The following CACNB2 variants were observed in gnomAD, a reference collection of about 807,000 sequenced individuals.
The protein encoded by CACNB2 is voltage-dependent L-type calcium channel subunit beta-2.
A neutral mutation model predicts 73.3 loss-of-function variants in CACNB2; 42 were observed. The ratio of observed to expected loss-of-function variants is 0.57; its 90% confidence interval spans 0.45 to 0.74. The LOEUF is 0.74. Among genes scored for constraint, CACNB2 ranks in the 30% least tolerant of loss-of-function variants. CACNB2 has a pLI of 0.00. For synonymous variants in CACNB2, 348 were observed against 310.3 expected (o/e 1.12, Z -1.28); for missense variants, 940 against 853.0 (o/e 1.10, Z -1.27).
chr10:18,451,739 A>G (rs2047032512), intron 3 of CACNB2, among the ~76,000 whole-genome samples: 1 of 152,130 alleles, frequency 6.6e-6, no homozygotes, highest in South Asian at 2.1e-4. Flanking sequence ...TCTTATGCTC[A>G]CCCATCACGT....
chr10:18,434,472 G>C (rs1002522235), intron 3 of CACNB2, among the ~76,000 whole-genome samples: 6 of 152,146 alleles, frequency 3.9e-5, no homozygotes, highest in African/African-American at 1.4e-4. Flanking sequence ...CTAAGGCATT[G>C]GTTGGGTGAT....
chr10:18,329,504 GAAAA>G (rs11413915), intron 2 of CACNB2, among the ~76,000 whole-genome samples: 32 of 112,512 alleles, frequency 2.8e-4, no homozygotes, highest in Admixed American at 5.5e-4. Flanking sequence ...AGTAAAAAAA[GAAAA>G]AAAAAAAAAA....
chr10:18,472,686 G>T (rs2048255248), intron 3 of CACNB2, among the ~76,000 whole-genome samples: 1 of 152,184 alleles, frequency 6.6e-6, no homozygotes, highest in Admixed American at 6.5e-5. Flanking sequence ...TTAAAATTGT[G>T]TCTGATACAA....
At chr10:18,321,487 A>G (rs766718700) in intron 2 of CACNB2, among the ~76,000 whole-genome samples, 6 of 152,238 alleles carry the variant, frequency 3.9e-5, no homozygotes, top group Non-Finnish European at 1.5e-5. Flanking sequence ...TAGGGTGACT[A>G]TAGTCAATAA....
At chr10:18,333,316 G>T (rs1459384603) in intron 2 of CACNB2, among the ~76,000 whole-genome samples, 1 of 152,076 alleles carries the variant, frequency 6.6e-6, no homozygotes, top group Non-Finnish European at 1.5e-5. Flanking sequence ...GCTTCTTAGA[G>T]GGATAAACTC....
In CACNB2 at chr10:18,214,182, C is replaced by T. The variant is rs1233358383; in HGVS notation, c.213+63207C>T. On this transcript the variant is annotated intron_variant, in intron 2 of 13. Transcript: ENST00000324631. ...AAAGGGACCCAAGCTAAAGTTTCCA[C>T]GACAGGGTTTCAAATTCATTTTTTA... Among the ~76,000 whole-genome samples the T allele has an allele frequency of 1.9e-4, 4 of 21,610 alleles. 2 individuals are homozygous for T. The highest frequency in any genetic ancestry group is 2.7e-4 in the African/African-American group (4 of 14,854). 14.2% of individuals were successfully genotyped at this position (21,610 alleles called of 152,430 possible). A position where few individuals can be genotyped will look rare whatever the true frequency, so the allele number is the denominator to read the frequency against.
chr10:18,331,191 G>T (rs558213558), intron 2 of CACNB2, among the ~76,000 whole-genome samples: 1 of 151,618 alleles, frequency 6.6e-6, no homozygotes, highest in Non-Finnish European at 1.5e-5. Context: ...TCACCATGTC[G>T]GTCAGGATGG....
chr10:18,272,066 A>G (rs2131646347), intron 2 of CACNB2, among the ~76,000 whole-genome samples: 1 of 150,890 alleles, frequency 6.6e-6, no homozygotes, highest in African/African-American at 2.4e-5. Flanking sequence ...TAATATTTCC[A>G]GTGAGTCTGT....
chr10:18,446,556 G>T (rs539569126), intron 3 of CACNB2, among the ~76,000 whole-genome samples: 4 of 152,266 alleles, frequency 2.6e-5, no homozygotes, highest in Non-Finnish European at 5.9e-5. Context: ...GTGATAAAGG[G>T]AGTGCTTTCT....
At chr10:18,375,028 G>A (rs979714534) in intron 2 of CACNB2, among the ~76,000 whole-genome samples, 4 of 152,156 alleles carry the variant, frequency 2.6e-5, no homozygotes, top group African/African-American at 7.2e-5. Flanking sequence ...AAATGCACAC[G>A]GCAACATGGC....
At chr10:18,169,132 G>A (rs2131139316) in intron 2 of CACNB2, among the ~76,000 whole-genome samples, 1 of 152,100 alleles carries the variant, frequency 6.6e-6, no homozygotes, top group South Asian at 2.1e-4. Flanking sequence ...TCATACTGTT[G>A]CATTGGTGGT....
intron 2 of CACNB2, among the ~76,000 whole-genome samples, chr10:18,185,813 T>G (rs1038131378): frequency 1.3e-5 from 2 of 152,096 alleles, no homozygotes; most frequent in Non-Finnish European, 2.9e-5. Context: ...CAGAAACTGT[T>G]CTCGGTGCTT....
chr10:18,313,173 G>A (rs2040025419), intron 2 of CACNB2, among the ~76,000 whole-genome samples: 1 of 151,422 alleles, frequency 6.6e-6, no homozygotes, highest in Admixed American at 6.6e-5. Flanking sequence ...TTTAGATAAG[G>A]GGTGTTTTCT....
At chr10:18,507,957 A>G (rs919289187) in intron 6 of CACNB2, among the ~76,000 whole-genome samples, 4 of 151,150 alleles carry the variant, frequency 2.6e-5, no homozygotes, top group Non-Finnish European at 5.9e-5. Context: ...TTTTTTTTTT[A>G]AGAGAAGGGG....
chr10:18,230,103 A>T (rs895604547), intron 2 of CACNB2, among the ~76,000 whole-genome samples: 1 of 152,204 alleles, frequency 6.6e-6, no homozygotes, highest in African/African-American at 2.4e-5. Context: ...TGTACCTAAC[A>T]TAGGAAATTA....
At chr10:18,165,681 G>T (rs1025315031) in intron 2 of CACNB2, among the ~76,000 whole-genome samples, 2 of 152,160 alleles carry the variant, frequency 1.3e-5, no homozygotes, top group African/African-American at 4.8e-5. Context: ...ATTATGCCAG[G>T]GAAGTTGTTT....
intron 2 of CACNB2, among the ~76,000 whole-genome samples, chr10:18,288,481 G>A (rs1659888345): frequency 6.6e-6 from 1 of 152,044 alleles, no homozygotes; most frequent in Admixed American, 6.6e-5. Context: ...GCTCCAAATT[G>A]CTTTATTCAT....
intron 2 of CACNB2, among the ~76,000 whole-genome samples, chr10:18,397,679 C>T (rs1384137993): frequency 1.5e-5 from 2 of 135,952 alleles, no homozygotes; most frequent in East Asian, 4.4e-4. Context: ...CATGCCATTG[C>T]ACTCCAGCCT....
chr10:18,255,603 C>T (rs760520625), intron 2 of CACNB2, among the ~76,000 whole-genome samples: 1 of 152,174 alleles, frequency 6.6e-6, no homozygotes, highest in Non-Finnish European at 1.5e-5. Context: ...ACTTGATGAG[C>T]AGCACTCAGT....
Sources: allele counts gnomAD v4.1 joint callset (sites outside exome capture counted in the v4.1 genomes callset), GRCh38; gene constraint gnomAD v4.1.1; transcripts MANE v1.5; gene names NCBI Gene and HGNC (gene_info 2026-07-23, HGNC 2026-07-21).